Variants in EPHB1 observed in about 807,000 individuals in gnomAD.
EPHB1 encodes ephrin type-B receptor 1.
Under a neutral mutation model 94.4 loss-of-function variants are expected in EPHB1, and 30 were observed. That is an observed-to-expected ratio of 0.32 (90% CI 0.24 to 0.43). The LOEUF is 0.43. Among genes scored for constraint, EPHB1 ranks in the 20% least tolerant of loss-of-function variants. The probability of loss-of-function intolerance (pLI) is 1.00; values close to 1 mark genes in which losing one functional copy is unlikely to be tolerated. For missense variants in EPHB1, 1,055 were observed against 1,308.3 expected, an observed-to-expected ratio of 0.81 and a Z score of 2.99; for synonymous variants, 522 against 489.1, an observed-to-expected ratio of 1.07 and a Z score of -0.89.
At chr3:135,039,931 T>C (rs543241301) in intron 3 of EPHB1, among the ~76,000 whole-genome samples, 3 of 151,730 alleles carry the variant, frequency 2.0e-5, no homozygotes, top group Non-Finnish European at 4.4e-5. Flanking sequence ...GCAGGGGAGG[T>C]GCCGAGAGCA....
At chr3:135,105,609 A>G (rs1427687222) in intron 3 of EPHB1, among the ~76,000 whole-genome samples, 2 of 152,198 alleles carry the variant, frequency 1.3e-5, no homozygotes, top group East Asian at 3.9e-4. Flanking sequence ...TTTTCAGAGA[A>G]TGACTCATTA....
At chr3:135,060,179 G>A (rs9826733) in intron 3 of EPHB1, among the ~76,000 whole-genome samples, 137,137 of 152,280 alleles carry the variant, frequency 0.9, 62,095 homozygotes, top group East Asian at 1. Flanking sequence ...ACAATCACAC[G>A]ACATTTCCAG....
intron 6 of EPHB1, among the ~76,000 whole-genome samples, chr3:135,158,641 G>A (rs1361887482): frequency 6.6e-6 from 1 of 152,242 alleles, no homozygotes; most frequent in Non-Finnish European, 1.5e-5. Flanking sequence ...CTCATTAATA[G>A]AGAGCTCAGA....
chr3:135,183,038 C>CT (rs1403004752), intron 10 of EPHB1, among the ~76,000 whole-genome samples: 216 of 65,612 alleles, frequency 3.3e-3, no homozygotes, highest in Admixed American at 8.0e-3. Flanking sequence ...TTCTTTCTTT[C>CT]TTTCTTTCTT....
intron 15 of EPHB1, among the ~76,000 whole-genome samples, chr3:135,257,331 TC>T (rs1474915064): frequency 6.6e-6 from 1 of 152,200 alleles, no homozygotes; most frequent in African/African-American, 2.4e-5. Context: ...TTCTGTTTTT[TC>T]CCCATCTTTG....
At chr3:135,169,953 TCC>T (rs1376668356) in intron 9 of EPHB1, among the ~76,000 whole-genome samples, 3 of 152,182 alleles carry the variant, frequency 2.0e-5, no homozygotes, top group Non-Finnish European at 2.9e-5. Flanking sequence ...CCACTCTGAA[TCC>T]CACTGCAGGA....
chr3:135,003,717 C>A (rs1235110603), intron 3 of EPHB1, among the ~76,000 whole-genome samples: 1 of 151,990 alleles, frequency 6.6e-6, no homozygotes, highest in Non-Finnish European at 1.5e-5. Flanking sequence ...TATGTAATGG[C>A]CTTCTTTGTC....
intron 10 of EPHB1, among the ~76,000 whole-genome samples, chr3:135,189,302 A>G (rs1172512202): frequency 6.6e-6 from 1 of 152,224 alleles, no homozygotes; most frequent in African/African-American, 2.4e-5. Context: ...CAGGAATGCC[A>G]TGGCTTTTGG....
At chr3:135,082,978 TC>T (rs1938215366) in intron 3 of EPHB1, among the ~76,000 whole-genome samples, 1 of 152,106 alleles carries the variant, frequency 6.6e-6, no homozygotes, top group South Asian at 2.1e-4. Context: ...AGGAAGTGCT[TC>T]CGTGCGAGGG....
chr3:135,003,401 G>A (rs1246406894), intron 3 of EPHB1, among the ~76,000 whole-genome samples: 2 of 149,472 alleles, frequency 1.3e-5, no homozygotes, highest in South Asian at 4.3e-4. Context: ...TTTTGGAATA[G>A]GTGTGGTGTG....
chr3:134,887,024 A>G (rs766063348), intron 1 of EPHB1, among the ~76,000 whole-genome samples: 3 of 152,230 alleles, frequency 2.0e-5, no homozygotes, highest in Admixed American at 1.3e-4. Flanking sequence ...GTGGTTCTCC[A>G]TTGCTGGGCA....
At chr3:134,809,693 T>C (rs1393956465) in intron 1 of EPHB1, among the ~76,000 whole-genome samples, 1 of 152,144 alleles carries the variant, frequency 6.6e-6, no homozygotes, top group African/African-American at 2.4e-5. Flanking sequence ...TGAAGCACAT[T>C]TACTAACAGC....
intron 4 of EPHB1, among the ~76,000 whole-genome samples, chr3:135,114,599 C>T (rs1440797368): frequency 6.8e-6 from 1 of 147,406 alleles, no homozygotes; most frequent in Non-Finnish European, 1.5e-5. Context: ...TGGCATGTTC[C>T]TGTAGTCCCA....
chr3:135,029,592 C>A lies in EPHB1; in HGVS notation c.806-76856C>A, dbSNP rs1236760516. 6.7e-5 allele frequency among the ~76,000 whole-genome samples: 10 copies of A among 149,974 alleles called. No homozygotes were observed. The Middle Eastern group carries it at 0.01, about 155-fold the overall frequency. Reference sequence around the variant, plus strand: ...CTTGTAGGGTTTCTGCCGAGAGATCCGCTGTTAGTCTGATGGGCTTCCCTT... The same window carrying A: ...CTTGTAGGGTTTCTGCCGAGAGATCAGCTGTTAGTCTGATGGGCTTCCCTT... On this transcript the variant is annotated intron_variant, in intron 3 of 15. Coordinates refer to ENST00000398015, the MANE Select transcript of EPHB1 (RefSeq NM_004441.5).
chr3:134,811,762 T>C (rs910637096), intron 1 of EPHB1, among the ~76,000 whole-genome samples: 1 of 152,214 alleles, frequency 6.6e-6, no homozygotes, highest in Non-Finnish European at 1.5e-5. Context: ...AGCGACTTAG[T>C]GGGCCCTCAG....
Position 135,248,590 on chromosome 3 carries a change from A to G in EPHB1, c.2690+81A>G, listed in dbSNP as rs1943984809. On this transcript the variant is annotated intron_variant, in intron 14 of 15. Coordinates refer to ENST00000398015, the MANE Select transcript of EPHB1 (RefSeq NM_004441.5). ...TAGCCAGCAGCCTCTGACCATGATC[A>G]TGTTCGAATTTTTTAAAGAGTATCT... is the stretch of plus-strand genomic sequence containing the variant. 9.2e-6 allele frequency: 13 copies of G among 1,405,904 alleles called. No individual in the cohort carries two copies. In the South Asian group the frequency reaches 1.3e-4, roughly 15 times the overall value. 87.1% of individuals were successfully genotyped at this position (1,405,904 alleles called of 1,614,324 possible).
chr3:134,873,963 TCTC>T (rs1216832668), intron 1 of EPHB1, among the ~76,000 whole-genome samples: 6 of 151,980 alleles, frequency 3.9e-5, no homozygotes, highest in Admixed American at 6.5e-5. Context: ...AATGGGGAAT[TCTC>T]CTCTCCACAA....
chr3:135,166,322 T>G (rs1941651498), intron 8 of EPHB1, among the ~76,000 whole-genome samples: 1 of 152,220 alleles, frequency 6.6e-6, no homozygotes, highest in African/African-American at 2.4e-5. Context: ...CGAAGACTTT[T>G]AGCCCCCTCT....
intron 1 of EPHB1, among the ~76,000 whole-genome samples, chr3:134,900,743 G>A (rs1316481590): frequency 6.6e-6 from 1 of 152,130 alleles, no homozygotes; most frequent in Non-Finnish European, 1.5e-5. Context: ...GAGCACAGGT[G>A]TATGTAGGTG....
Sources: gnomAD v4.1 joint callset for allele counts (sites outside exome capture counted in the v4.1 genomes callset) on GRCh38, gnomAD v4.1.1 for gene constraint, MANE v1.5 for transcripts, NCBI Gene and HGNC (gene_info 2026-07-23, HGNC 2026-07-21) for gene names.